The following RPS6KA6 variants were observed in gnomAD, a reference collection of about 807,000 sequenced individuals.
The protein encoded by RPS6KA6 is ribosomal protein S6 kinase A6, also known as ribosomal protein S6 kinase alpha-6.
A neutral mutation model predicts 65.4 loss-of-function variants in RPS6KA6; 27 were observed. The ratio of observed to expected loss-of-function variants is 0.41; its 90% CI spans 0.30 to 0.57. The LOEUF (loss-of-function observed/expected upper bound fraction) is 0.57, where lower values mean the gene tolerates loss of function less well. Among genes scored for constraint, RPS6KA6 ranks in the 20% least tolerant of loss-of-function variants. The probability of loss-of-function intolerance (pLI) is 0.24; values close to 1 mark genes in which losing one functional copy is unlikely to be tolerated. For synonymous variants in RPS6KA6, 190 were observed against 184.2 expected (o/e 1.03, Z -0.26); for missense variants, 486 against 555.6 (o/e 0.87, Z 1.26).
chrX:84,168,393 C>T (rs2147617914), intron 1 of RPS6KA6, among the ~76,000 whole-genome samples: 1 of 111,290 alleles, frequency 9.0e-6, no homozygotes, highest in South Asian at 3.8e-4. Flanking sequence ...ATAACCAATA[C>T]AAAAAGGAAT....
intron 6 of RPS6KA6, among the ~76,000 whole-genome samples, chrX:84,137,792 C>T (rs2035019268): frequency 8.9e-6 from 1 of 112,014 alleles, no homozygotes; most frequent in South Asian, 3.6e-4. Flanking sequence ...TACTGACTTA[C>T]TGTTTTGTCA....
At position 84,059,859 on chromosome X, in the gene RPS6KA6, G is replaced by C. The variant is rs1479214921; in HGVS notation, c.*4418C>G. Reference sequence around the variant, plus strand: ...TAAGCATTTAGCTAAAATTTATTTAGTGAATAATTGAAACATACATAATTT... The same window carrying C: ...TAAGCATTTAGCTAAAATTTATTTACTGAATAATTGAAACATACATAATTT... On this transcript the variant is annotated 3_prime_UTR_variant, in exon 22 of 22. Transcript: ENST00000262752. 8.9e-6 allele frequency: 1 copy of C among 111,911 alleles called. No homozygotes were observed. The highest frequency in any genetic ancestry group is 3.2e-5 in the African/African-American group (1 of 30,835). 9.2% of individuals were successfully genotyped at this position (111,911 alleles called of 1,213,427 possible). A position where few individuals can be genotyped will look rare whatever the true frequency, so the allele number is the denominator to read the frequency against.
At chrX:84,141,196 G>A (rs1434534592) in intron 6 of RPS6KA6, among the ~76,000 whole-genome samples, 1 of 110,667 alleles carries the variant, frequency 9.0e-6, no homozygotes, top group Admixed American at 9.7e-5. Flanking sequence ...ACAAAATAAG[G>A]CACAGACAAT....
At chrX:84,094,151 G>T (rs1338625655) in intron 20 of RPS6KA6, among the ~76,000 whole-genome samples, 1 of 109,734 alleles carries the variant, frequency 9.1e-6, no homozygotes, top group African/African-American at 3.3e-5. Context: ...TTAAACACAA[G>T]ATGAAAATGC....
intron 17 of RPS6KA6, among the ~76,000 whole-genome samples, chrX:84,102,679 A>C (rs1290888928): frequency 9.0e-6 from 1 of 111,140 alleles, no homozygotes; most frequent in Non-Finnish European, 1.9e-5. Flanking sequence ...GAATGAACAG[A>C]AGCAGATATA....
chrX:84,123,338 G>A (rs140834572), intron 8 of RPS6KA6, among the ~76,000 whole-genome samples: 127 of 112,747 alleles, frequency 1.1e-3, no homozygotes, highest in African/African-American at 3.9e-3. Flanking sequence ...TGCACCTTAG[G>A]TACCAGCTCA....
intron 1 of RPS6KA6, among the ~76,000 whole-genome samples, chrX:84,184,270 G>C (rs1602496490): frequency 8.9e-6 from 1 of 112,467 alleles, no homozygotes; most frequent in Middle Eastern, 4.6e-3. Context: ...GAAATGGAAG[G>C]CTGCGGCTAA....
At chrX:84,137,969 A>G (rs1323321959) in intron 6 of RPS6KA6, among the ~76,000 whole-genome samples, 1 of 111,992 alleles carries the variant, frequency 8.9e-6, no homozygotes, top group Non-Finnish European at 1.9e-5. Flanking sequence ...TTAATGTTTA[A>G]GGAGACATTC....
At chrX:84,114,309 G>A (rs952410193) in intron 12 of RPS6KA6, among the ~76,000 whole-genome samples, 3 of 109,983 alleles carry the variant, frequency 2.7e-5, no homozygotes, top group Non-Finnish European at 5.7e-5. Context: ...TCAACATACC[G>A]AGACCTCATC....
chrX:84,155,986 G>T (rs867086302), intron 3 of RPS6KA6, 89 bp downstream of exon 3: 2 of 501,979 alleles, frequency 4.0e-6, no homozygotes, highest in South Asian at 6.2e-5. Context: ...GTTTAGAAAC[G>T]ACTCATTAAT....
intron 20 of RPS6KA6, among the ~76,000 whole-genome samples, chrX:84,077,101 T>C (rs1290950266): frequency 1.8e-5 from 2 of 111,551 alleles, no homozygotes; most frequent in Non-Finnish European, 3.8e-5. Context: ...AGTAAAGACC[T>C]AACTGGAAAG....
At chrX:84,077,623 C>G in intron 20 of RPS6KA6, among the ~76,000 whole-genome samples, 1 of 111,335 alleles carries the variant, frequency 9.0e-6, no homozygotes, top group Middle Eastern at 4.6e-3. Flanking sequence ...GAACATTGAC[C>G]TAAAGATAAA....
intron 20 of RPS6KA6, among the ~76,000 whole-genome samples, chrX:84,078,460 A>G (rs2033708165): frequency 9.0e-6 from 1 of 111,542 alleles, no homozygotes; most frequent in African/African-American, 3.3e-5. Context: ...CAAAAAAAAA[A>G]GATATACACA....
rs1336669456 is a variant in RPS6KA6 at position 84,058,619 on chromosome X, G to T, written c.*5658C>A. The stretch of plus-strand genomic sequence containing the variant: ...AAAATTTTAATGTCAAAAAACCAAT[G>T]GTTTAAAGAAAACATTAATAAAATA... On this transcript the variant is annotated 3_prime_UTR_variant, in exon 22 of 22. Coordinates refer to ENST00000262752, the MANE Select transcript of RPS6KA6 (RefSeq NM_014496.5). 9.0e-6 allele frequency: 1 copy of T among 110,848 alleles called. No individual in the cohort carries two copies. The highest frequency in any genetic ancestry group is 3.3e-5 in the African/African-American group (1 of 30,511). The allele number at this position is 110,848 out of a possible 1,213,427, so 9.1% of individuals were successfully genotyped here.
At chrX:84,180,304 G>T (rs892299442) in intron 1 of RPS6KA6, among the ~76,000 whole-genome samples, 3 of 112,196 alleles carry the variant, frequency 2.7e-5, no homozygotes, top group African/African-American at 9.7e-5. Context: ...TCTTCAGAAA[G>T]AAAGTGCAAA....
chrX:84,145,671 T>A, intron 5 of RPS6KA6, 114 bp from the exon 6 acceptor site: 1 of 398,760 alleles, frequency 2.5e-6, no homozygotes, highest in Non-Finnish European at 4.2e-6. Context: ...CATGGTTCAT[T>A]AATGGATAAC....
At chrX:84,137,468 A>T (rs1187696214) in intron 6 of RPS6KA6, among the ~76,000 whole-genome samples, 5 of 110,715 alleles carry the variant, frequency 4.5e-5, no homozygotes, top group Non-Finnish European at 7.6e-5. Flanking sequence ...TGAATTAAGA[A>T]TTTTTTTTTA....
chrX:84,135,228 T>C lies in RPS6KA6; in HGVS notation c.502-18A>G. The stretch of plus-strand genomic sequence containing the variant: ...AACAGAACCTAGAACAAAATAATGA[T>C]TTATCATTTGATCTTTCTTTCAATA... On this transcript the variant is annotated intron_variant, in intron 6 of 21. Coordinates refer to ENST00000262752, the MANE Select transcript of RPS6KA6 (RefSeq NM_014496.5). The C allele has an allele frequency of 9.6e-7, 1 of 1,042,248 alleles. No homozygotes were observed. Among genetic ancestry groups the C allele is most frequent in the Non-Finnish European group, 1.3e-6 (1 of 750,700 alleles). 85.9% of individuals were successfully genotyped at this position (1,042,248 alleles called of 1,213,427 possible).
At chrX:84,087,032 T>C (rs2033938070) in intron 20 of RPS6KA6, among the ~76,000 whole-genome samples, 2 of 111,627 alleles carry the variant, frequency 1.8e-5, no homozygotes, top group African/African-American at 6.5e-5. Flanking sequence ...CCTTTTATTC[T>C]GCGTCTCTGT....
Sources: allele counts gnomAD v4.1 joint callset (sites outside exome capture counted in the v4.1 genomes callset), GRCh38; gene constraint gnomAD v4.1.1; transcripts MANE v1.5; gene names NCBI Gene and HGNC (gene_info 2026-07-23, HGNC 2026-07-21).